The following KCNQ5 variants were observed in gnomAD, a reference collection of about 807,000 sequenced individuals.
KCNQ5 encodes the protein potassium voltage-gated channel subfamily Q member 5, also known as potassium voltage-gated channel subfamily KQT member 5.
KCNQ5 carries 30 observed loss-of-function variants against 98.2 expected under a neutral mutation model. That is an observed-to-expected ratio of 0.31 (90% CI 0.23 to 0.41). The LOEUF is 0.41. KCNQ5 is among the 10% of genes least tolerant of loss of function. KCNQ5 has a pLI of 1.00. For missense variants in KCNQ5, 835 were observed against 1,182.5 expected (o/e 0.71, Z 4.31); for synonymous variants, 458 against 449.4 (o/e 1.02, Z -0.24).
chr6:72,782,490 C>T (rs1021467751), intron 1 of KCNQ5, among the ~76,000 whole-genome samples: 2 of 152,168 alleles, frequency 1.3e-5, no homozygotes, highest in Non-Finnish European at 2.9e-5. Flanking sequence ...AAGCATGCAC[C>T]ATTTTCCTTT....
intron 1 of KCNQ5, among the ~76,000 whole-genome samples, chr6:72,884,784 T>A (rs1280089120): frequency 1.3e-5 from 2 of 152,058 alleles, no homozygotes; most frequent in African/African-American, 4.8e-5. Flanking sequence ...TTTTGCCTAA[T>A]TTTTTGTATT....
Position 73,052,887 on chromosome 6 carries a change from A to G in KCNQ5, c.616+10825A>G, listed in dbSNP as rs74941335. On this transcript the variant is annotated intron_variant, in intron 3 of 13. Coordinates refer to ENST00000370398, the MANE Select transcript of KCNQ5 (RefSeq NM_019842.4). ...AAACAGGATTTGATCCTTCAAATCC[A>G]CACATATCAATATTAACCTTAAATG... 4.5e-3 allele frequency among the ~76,000 whole-genome samples: 682 copies of G among 152,344 alleles called. 5 individuals are homozygous for G. Among genetic ancestry groups the G allele is most frequent in the African/African-American group, 0.016 (650 of 41,590 alleles).
At chr6:73,183,905 G>A (rs772816657) in intron 11 of KCNQ5, among the ~76,000 whole-genome samples, 3 of 152,282 alleles carry the variant, frequency 2.0e-5, no homozygotes, top group East Asian at 1.9e-4. Context: ...ACAGGCACAC[G>A]TGATTTTTGG....
Position 73,111,406 on chromosome 6 carries a change from A to T in KCNQ5, c.1125+3A>T. On this transcript the variant is annotated splice_donor_region_variant and intron_variant, in intron 7 of 13. Transcript: ENST00000370398. The stretch of plus-strand genomic sequence containing the variant: ...ACCCAGCTGCCAACCTCATTCAGGT[A>T]AATGTCAATGTAATAGGTAGATGGC... 1 of 1,597,178 alleles carries T rather than the reference A, an allele frequency of 6.3e-7. No homozygotes were observed. The highest frequency in any genetic ancestry group is 8.5e-7 in the Non-Finnish European group (1 of 1,169,976).
chr6:72,996,491 C>G (rs1193682166), intron 1 of KCNQ5, among the ~76,000 whole-genome samples: 1 of 152,122 alleles, frequency 6.6e-6, no homozygotes, highest in South Asian at 2.1e-4. Flanking sequence ...CTTTTTACTC[C>G]TAGTTAAAGT....
rs34867008 is a variant in KCNQ5 at position 72,854,758 on chromosome 6, T to TTGTGTGTGTGTGTGTGTG, written c.399-149141_399-149124dup. Among the ~76,000 whole-genome samples, 104 of 127,154 alleles carry TTGTGTGTGTGTGTGTGTG rather than the reference T, an allele frequency of 8.2e-4. 1 individual carries two copies. The highest frequency in any genetic ancestry group is 3.0e-3 in the African/African-American group (102 of 33,646). The allele number at this position is 127,154 out of a possible 152,430, so 83.4% of individuals were successfully genotyped here. On this transcript the variant is annotated intron_variant, in intron 1 of 13. Transcript: ENST00000370398. Reference sequence around the variant, plus strand: ...CACACACACACACACACACCATGGTTTGTGTGTGTGTGTGTGTGTGTGTGT... The same window carrying TTGTGTGTGTGTGTGTGTG: ...CACACACACACACACACACCATGGTTTGTGTGTGTGTGTGTGTGTGTGTGTGTGTGTGTGTGTGTGTGT...
At chr6:72,682,755 C>G (rs1767768682) in intron 1 of KCNQ5, among the ~76,000 whole-genome samples, 1 of 152,124 alleles carries the variant, frequency 6.6e-6, no homozygotes, top group Non-Finnish European at 1.5e-5. Context: ...AAGGGTGGGA[C>G]TGGGATGGAG....
intron 1 of KCNQ5, among the ~76,000 whole-genome samples, chr6:72,654,614 G>C (rs117181360): frequency 6.6e-6 from 1 of 152,034 alleles, no homozygotes; most frequent in South Asian, 2.1e-4. Context: ...TATCAAGAGA[G>C]TGCTGCACGA....
At chr6:73,055,785 G>A (rs1772460387) in intron 3 of KCNQ5, 26 of 893,914 alleles carry the variant, frequency 2.9e-5, no homozygotes, top group Non-Finnish European at 1.9e-6. Context: ...AGCCCACGCA[G>A]TTCCTAGGGG....
At chr6:73,050,419 T>A (rs1281892653) in intron 3 of KCNQ5, among the ~76,000 whole-genome samples, 1 of 152,190 alleles carries the variant, frequency 6.6e-6, no homozygotes, top group Non-Finnish European at 1.5e-5. Flanking sequence ...TATTTTGGAA[T>A]AACTTTAGAC....
Position 73,105,334 on chromosome 6 carries a change from A to G in KCNQ5, c.996A>G (p.Ala332=), listed in dbSNP as rs761207241. 2.5e-6 allele frequency: 4 copies of G among 1,612,242 alleles called. No homozygotes were observed. The highest frequency in any genetic ancestry group is 2.5e-6 in the Non-Finnish European group (3 of 1,179,014). ...WLGRLLSAGF[A]LLGISFFALP... is the part of the protein sequence containing the mutation. Reference sequence around the variant, plus strand: ...GAAGATTGCTTTCTGCAGGCTTTGCACTCCTTGGCATTTCTTTCTTTGCAC... The same window carrying G: ...GAAGATTGCTTTCTGCAGGCTTTGCGCTCCTTGGCATTTCTTTCTTTGCAC... Residue 332 remains alanine (A), a synonymous_variant, in exon 6 of 14, where the codon GCA becomes GCG. Transcript: ENST00000370398.
intron 1 of KCNQ5, among the ~76,000 whole-genome samples, chr6:72,809,387 T>A (rs545609012): frequency 1.3e-5 from 2 of 151,722 alleles, no homozygotes; most frequent in Non-Finnish European, 2.9e-5. Flanking sequence ...AAACTTAAAG[T>A]ATAATAATAA....
intron 10 of KCNQ5, among the ~76,000 whole-genome samples, chr6:73,159,406 G>T (rs1777522274): frequency 6.6e-6 from 1 of 152,084 alleles, no homozygotes; most frequent in Non-Finnish European, 1.5e-5. Context: ...TAGTTCCTGG[G>T]TGATTAAATA....
At chr6:73,029,828 G>A (rs1039118940) in intron 2 of KCNQ5, among the ~76,000 whole-genome samples, 4 of 147,950 alleles carry the variant, frequency 2.7e-5, no homozygotes, top group Admixed American at 6.9e-5. Flanking sequence ...GGAGAATGGC[G>A]TGAACCTGGG....
chr6:73,018,115 G>A lies in KCNQ5; in HGVS notation c.489+14117G>A, dbSNP rs192029350. On this transcript the variant is annotated intron_variant, in intron 2 of 13. Coordinates refer to ENST00000370398, the MANE Select transcript of KCNQ5 (RefSeq NM_019842.4). Reference sequence around the variant, plus strand: ...TGTTATGCAGAAATAGAGAAGGGCCGGGGGGCATTCCTGCCTCTTTGACTT... The same window carrying A: ...TGTTATGCAGAAATAGAGAAGGGCCAGGGGGCATTCCTGCCTCTTTGACTT... Among the ~76,000 whole-genome samples the A allele has an allele frequency of 1.1e-3, 160 of 152,186 alleles. 1 individual carries two copies. Among genetic ancestry groups the A allele is most frequent in the African/African-American group, 3.4e-3 (143 of 41,526 alleles).
At chr6:72,658,580 T>TATATATATA (rs35213829) in intron 1 of KCNQ5, among the ~76,000 whole-genome samples, 87 of 64,808 alleles carry the variant, frequency 1.3e-3, no homozygotes, top group African/African-American at 6.0e-3. Flanking sequence ...ATATATATAT[T>TATATATATA]TTTTTTTTTT....
At chr6:72,945,244 TTC>T (rs1301489074) in intron 1 of KCNQ5, among the ~76,000 whole-genome samples, 1 of 152,172 alleles carries the variant, frequency 6.6e-6, no homozygotes, top group African/African-American at 2.4e-5. Flanking sequence ...TGCTTCTTTT[TTC>T]TTTTTCTTTT....
At chr6:72,923,162 C>T (rs1051189547) in intron 1 of KCNQ5, among the ~76,000 whole-genome samples, 1 of 152,116 alleles carries the variant, frequency 6.6e-6, no homozygotes, top group African/African-American at 2.4e-5. Context: ...TAGGTTGATT[C>T]TGTATCTTGA....
At chr6:72,986,838 C>T in intron 1 of KCNQ5, 3 of 1,072,478 alleles carry the variant, frequency 2.8e-6, no homozygotes. Context: ...GCCCAGGACC[C>T]CACAGCCCTC....
Sources: gnomAD v4.1 joint callset for allele counts (sites outside exome capture counted in the v4.1 genomes callset) on GRCh38, gnomAD v4.1.1 for gene constraint, MANE v1.5 for transcripts, NCBI Gene and HGNC (gene_info 2026-07-23, HGNC 2026-07-21) for gene names.